The following VRK2 variants were observed in gnomAD, a reference collection of about 807,000 sequenced individuals.
VRK2 encodes the protein serine/threonine-protein kinase VRK2.
A neutral mutation model predicts 57.6 loss-of-function variants in VRK2; 60 were observed. The observed-to-expected ratio is 1.04, with a 90% CI of 0.85 to 1.29. The LOEUF is 1.29. Ranked by LOEUF, VRK2 falls within the 50% of genes most tolerant of loss-of-function variation. The probability of loss-of-function intolerance (pLI) is 0.00; values close to 1 mark genes in which losing one functional copy is unlikely to be tolerated. For missense variants in VRK2, 705 were observed against 588.1 expected (o/e 1.20, Z -2.06); for synonymous variants, 231 against 199.2 (o/e 1.16, Z -1.35).
chr2:58,122,272 G>C (rs1677629941), intron 7 of VRK2, among the ~76,000 whole-genome samples: 1 of 152,008 alleles, frequency 6.6e-6, no homozygotes, highest in Admixed American at 6.6e-5. Context: ...ACAATGCCAG[G>C]GTTAGGGGTG....
At chr2:58,145,215 ACAGT>A (rs1331290434) in intron 11 of VRK2, among the ~76,000 whole-genome samples, 2 of 151,970 alleles carry the variant, frequency 1.3e-5, no homozygotes, top group Non-Finnish European at 2.9e-5. Context: ...AAGGTTATTG[ACAGT>A]CAGGCATCCC....
intron 12 of VRK2, among the ~76,000 whole-genome samples, chr2:58,152,512 A>G (rs571065533): frequency 1.3e-5 from 2 of 152,074 alleles, no homozygotes; most frequent in South Asian, 2.1e-4. Flanking sequence ...AAAAGGAAAA[A>G]AAGTCTTAAC....
intron 9 of VRK2, among the ~76,000 whole-genome samples, chr2:58,132,171 T>C (rs922415234): frequency 6.6e-6 from 1 of 152,210 alleles, no homozygotes; most frequent in Non-Finnish European, 1.5e-5. Flanking sequence ...ATCTGTTCTT[T>C]TACATGGTAT....
intron 1 of VRK2, among the ~76,000 whole-genome samples, chr2:57,980,558 T>C (rs922314699): frequency 3.9e-5 from 6 of 152,174 alleles, no homozygotes; most frequent in Non-Finnish European, 2.9e-5. Context: ...GGTCATTTGG[T>C]CAAATATCAA....
chr2:57,916,768 C>A (rs1191143324), intron 1 of VRK2, among the ~76,000 whole-genome samples: 1 of 152,088 alleles, frequency 6.6e-6, no homozygotes, highest in African/African-American at 2.4e-5. Context: ...AAGCCATTTA[C>A]AGAAGTGTGG....
At chr2:58,086,852 C>T (rs956650334) in intron 5 of VRK2, among the ~76,000 whole-genome samples, 3 of 152,060 alleles carry the variant, frequency 2.0e-5, no homozygotes, top group Admixed American at 6.6e-5. Context: ...AATTGGGGGA[C>T]GGGGAGAGCA....
intron 2 of VRK2, among the ~76,000 whole-genome samples, chr2:58,076,145 T>G (rs892597482): frequency 1.3e-5 from 2 of 151,430 alleles, no homozygotes; most frequent in African/African-American, 2.4e-5. Context: ...TTATAGCTGT[T>G]TTCAGTGGGA....
intron 5 of VRK2, 116 bp from the exon 6 acceptor site, chr2:58,088,225 G>C (rs1193270893): frequency 5.6e-6 from 4 of 711,054 alleles, no homozygotes; most frequent in African/African-American, 5.3e-5. Context: ...TAATGGTTTA[G>C]ATTGCATTAT....
At chr2:57,989,438 C>T (rs1042026305) in intron 1 of VRK2, among the ~76,000 whole-genome samples, 2 of 152,070 alleles carry the variant, frequency 1.3e-5, no homozygotes, top group African/African-American at 2.4e-5. Context: ...AAGGTAATTG[C>T]TTGGACATTT....
chr2:57,966,176 A>C (rs973847278), intron 1 of VRK2, among the ~76,000 whole-genome samples: 12 of 152,314 alleles, frequency 7.9e-5, no homozygotes, highest in Admixed American at 7.2e-4. Context: ...ATGTGTCATC[A>C]TTGTACTGCC....
chr2:57,951,384 A>G (rs1671423654), intron 1 of VRK2, among the ~76,000 whole-genome samples: 1 of 152,220 alleles, frequency 6.6e-6, no homozygotes, highest in South Asian at 2.1e-4. Context: ...CTGAGATAGT[A>G]TCTACTCCTA....
At chr2:58,004,807 G>A (rs1673194688) in intron 1 of VRK2, among the ~76,000 whole-genome samples, 6 of 152,108 alleles carry the variant, frequency 3.9e-5, no homozygotes, top group Admixed American at 3.9e-4. Flanking sequence ...GTATTGTTTA[G>A]TGAAATATCA....
intron 1 of VRK2, among the ~76,000 whole-genome samples, chr2:58,017,653 A>C (rs1443308949): frequency 6.6e-6 from 1 of 152,064 alleles, no homozygotes; most frequent in Non-Finnish European, 1.5e-5. Flanking sequence ...ACTATCCTAA[A>C]GTGGAAAGCT....
At chr2:58,077,812 T>G (rs1670333343) in intron 2 of VRK2, among the ~76,000 whole-genome samples, 1 of 152,114 alleles carries the variant, frequency 6.6e-6, no homozygotes, top group Non-Finnish European at 1.5e-5. Context: ...CCATGTAGAA[T>G]TCTGTTGCTC....
chr2:58,151,731 GTTTTTTTTTTTTTTT>G (rs60379025), intron 12 of VRK2, among the ~76,000 whole-genome samples: 540 of 16,736 alleles, frequency 0.032, 11 homozygotes, highest in Middle Eastern at 0.083. Context: ...TTCTATGCTT[GTTTTTTTTTTTTTTT>G]TTTTTTTTTT....
At chr2:58,116,594 G>A (rs1053375457) in intron 7 of VRK2, among the ~76,000 whole-genome samples, 2 of 152,108 alleles carry the variant, frequency 1.3e-5, no homozygotes, top group Non-Finnish European at 2.9e-5. Context: ...TTAAGAAGGG[G>A]ACGGACTTAC....
Position 58,150,563 on chromosome 2 carries a change from T to TTTTTTTTTTTTTG in VRK2, c.1182+4101_1182+4102insGTTTTTTTTTTTT, listed in dbSNP as rs1682862346. Among the ~76,000 whole-genome samples, 6 of 70,044 alleles carry TTTTTTTTTTTTTG rather than the reference T, an allele frequency of 8.6e-5. No individual in the cohort carries two copies. The African/African-American group carries it at 1.2e-3, about 14-fold the overall frequency. 46.0% of individuals were successfully genotyped at this position (70,044 alleles called of 152,430 possible). A position where few individuals can be genotyped will look rare whatever the true frequency, so the allele number is the denominator to read the frequency against. On this transcript the variant is annotated intron_variant, in intron 12 of 12. Coordinates refer to ENST00000340157, the MANE Select transcript of VRK2 (RefSeq NM_006296.7). The stretch of plus-strand genomic sequence containing the variant: ...ACCAGCTTTGGTTTTTTTTTTTTAG[T>TTTTTTTTTTTTTG]TTTTTTTTTTTTTCAAAGACCAACC...
At chr2:58,049,847 T>C (rs945789364) in intron 2 of VRK2, among the ~76,000 whole-genome samples, 2 of 152,184 alleles carry the variant, frequency 1.3e-5, no homozygotes, top group Non-Finnish European at 2.9e-5. Flanking sequence ...TCCTGAAATA[T>C]AAAAGATCCT....
intron 1 of VRK2, among the ~76,000 whole-genome samples, chr2:57,925,812 T>G (rs1298285600): frequency 1.3e-5 from 2 of 151,844 alleles, no homozygotes; most frequent in African/African-American, 2.4e-5. Context: ...TTTTAAGATG[T>G]ATTGTTAGGT....
Sources: allele counts gnomAD v4.1 joint callset (sites outside exome capture counted in the v4.1 genomes callset), GRCh38; gene constraint gnomAD v4.1.1; transcripts MANE v1.5; gene names NCBI Gene and HGNC (gene_info 2026-07-23, HGNC 2026-07-21).